RPS6KA2: variants seen among roughly 807,000 people sequenced by gnomAD.
RPS6KA2 encodes ribosomal protein S6 kinase alpha-2.
RPS6KA2 carries 42 observed loss-of-function variants against 91.8 expected under a neutral mutation model. The observed-to-expected ratio is 0.46, with a 90% confidence interval of 0.36 to 0.59. RPS6KA2 has a LOEUF of 0.59. Among genes scored for constraint, RPS6KA2 ranks in the 20% least tolerant of loss-of-function variants. The probability of loss-of-function intolerance (pLI) is 0.00; values close to 1 mark genes in which losing one functional copy is unlikely to be tolerated. For synonymous variants in RPS6KA2, 414 were observed against 393.6 expected, an observed-to-expected ratio of 1.05 and a Z score of -0.61; for missense variants, 798 against 978.5, an observed-to-expected ratio of 0.82 and a Z score of 2.46.
At chr6:166,568,071 G>A (rs1471510391) in intron 1 of RPS6KA2, among the ~76,000 whole-genome samples, 3 of 152,132 alleles carry the variant, frequency 2.0e-5, no homozygotes, top group African/African-American at 7.2e-5. Context: ...TCGGCCCTTG[G>A]ACATCCTGCT....
chr6:166,488,348 G>A lies in RPS6KA2; in HGVS notation c.907+485C>T, dbSNP rs183118537. ...TGTCTGACTCTGAGACAACACGGCC[G>A]CGCCAACTCGCTAAGACCGGCCCAG... is the stretch of plus-strand genomic sequence containing the variant. On this transcript the variant is annotated intron_variant, in intron 10 of 20. Transcript: ENST00000265678. 1.6e-3 allele frequency among the ~76,000 whole-genome samples: 248 copies of A among 152,256 alleles called. 1 individual carries two copies. The highest frequency in any genetic ancestry group is 5.6e-3 in the African/African-American group (232 of 41,560).
At chr6:166,436,193 G>A (rs573038374) in intron 14 of RPS6KA2, among the ~76,000 whole-genome samples, 52 of 152,016 alleles carry the variant, frequency 3.4e-4, no homozygotes, top group African/African-American at 1.2e-3. Context: ...GACCTGCCAC[G>A]TTTACAGCCC....
intron 4 of RPS6KA2, among the ~76,000 whole-genome samples, chr6:166,509,711 C>G (rs1267589273): frequency 6.6e-6 from 1 of 152,226 alleles, no homozygotes; most frequent in Non-Finnish European, 1.5e-5. Flanking sequence ...ATTTCACTTA[C>G]TGCTTCTCTG....
chr6:166,454,962 AAATAT>A (rs1451573876), intron 12 of RPS6KA2, among the ~76,000 whole-genome samples: 2 of 151,080 alleles, frequency 1.3e-5, no homozygotes, highest in African/African-American at 4.8e-5. Context: ...TAATATATGA[AAATAT>A]AATACGTAAT....
Position 166,627,088 on chromosome 6 carries a change from G to C in RPS6KA2, c.-69C>G, listed in dbSNP as rs1786914004. ...GCATCCCCGGCATCCCAGGCGCGGG[G>C]CTCAGGTCCGCGGGCGGGCACGCGT... On this transcript the variant is annotated 5_prime_UTR_variant, in exon 1 of 21. Coordinates refer to ENST00000265678, the MANE Select transcript of RPS6KA2 (RefSeq NM_021135.6). 2 of 1,239,726 alleles carry C rather than the reference G, an allele frequency of 1.6e-6. No individual in the cohort carries two copies. The highest frequency in any genetic ancestry group is 6.7e-5 in the East Asian group (2 of 29,776). The allele number at this position is 1,239,726 out of a possible 1,614,324, so 76.8% of individuals were successfully genotyped here.
intron 11 of RPS6KA2, among the ~76,000 whole-genome samples, chr6:166,466,845 AACTC>A (rs1583171546): frequency 7.4e-6 from 1 of 134,740 alleles, no homozygotes; most frequent in Non-Finnish European, 1.6e-5. Flanking sequence ...CTCATTCACT[AACTC>A]ACTCACTGAC....
At chr6:166,462,756 G>A (rs1020523419) in intron 11 of RPS6KA2, among the ~76,000 whole-genome samples, 12 of 152,166 alleles carry the variant, frequency 7.9e-5, no homozygotes, top group African/African-American at 2.4e-4. Flanking sequence ...TGCTTTCCCC[G>A]TGCTTTCCAC....
intron 2 of RPS6KA2, among the ~76,000 whole-genome samples, chr6:166,683,287 A>G (rs1229071171): frequency 6.6e-6 from 1 of 152,250 alleles, no homozygotes; most frequent in Non-Finnish European, 1.5e-5. Flanking sequence ...AACTTTATCA[A>G]TTACATGAAG....
chr6:166,731,001 G>C (rs1790494335), intron 2 of RPS6KA2, among the ~76,000 whole-genome samples: 1 of 152,222 alleles, frequency 6.6e-6, no homozygotes, highest in African/African-American at 2.4e-5. Flanking sequence ...CCAGCACTTT[G>C]GGAGGCCGAG....
chr6:166,540,341 C>T (rs1178330197), intron 1 of RPS6KA2, among the ~76,000 whole-genome samples: 4 of 152,206 alleles, frequency 2.6e-5, no homozygotes, highest in Non-Finnish European at 5.9e-5. Flanking sequence ...AAACTCACAG[C>T]GGATTAGAGG....
chr6:166,862,042 AT>A, intron 1 of RPS6KA2: 1 of 1,603,480 alleles, frequency 6.2e-7, no homozygotes, highest in African/African-American at 1.3e-5. Context: ...TAAATGAGCA[AT>A]GCATTGGCTG....
intron 3 of RPS6KA2, among the ~76,000 whole-genome samples, chr6:166,522,504 G>A (rs570527858): frequency 8.5e-5 from 13 of 152,328 alleles, no homozygotes; most frequent in South Asian, 2.1e-4. Flanking sequence ...TTGATGCAGC[G>A]CAACTGGAGG....
chr6:166,426,082 G>C lies in RPS6KA2; in HGVS notation c.1582-2665C>G, dbSNP rs1394314577. Among the ~76,000 whole-genome samples the C allele has an allele frequency of 1.0e-3, 154 of 151,838 alleles. 2 individuals are homozygous for C. Among genetic ancestry groups the C allele is most frequent in the African/African-American group, 3.4e-3 (141 of 41,370 alleles). The stretch of plus-strand genomic sequence containing the variant: ...GCTCTCCTCAGCAAATGTAAAAGAA[G>C]AGAAATTATAACAAACTATCTCTCA... On this transcript the variant is annotated intron_variant, in intron 16 of 20. Transcript: ENST00000265678.
intron 3 of RPS6KA2, among the ~76,000 whole-genome samples, chr6:166,511,013 T>A (rs1283700096): frequency 2.0e-5 from 3 of 152,142 alleles, no homozygotes; most frequent in African/African-American, 7.2e-5. Flanking sequence ...TTGTATTTCT[T>A]GTAAACTGGA....
rs78360812 is a variant in RPS6KA2 at position 166,635,571 on chromosome 6, A to C, written c.124-96787T>G. 6.6e-6 allele frequency among the ~76,000 whole-genome samples: 1 copy of C among 152,184 alleles called. No individual in the cohort carries two copies. The highest frequency in any genetic ancestry group is 2.4e-5 in the African/African-American group (1 of 41,458). On this transcript the variant is annotated intron_variant, in intron 2 of 21. Coordinates refer to the RPS6KA2 transcript ENST00000503859. The surrounding 1 kb of genome is among the most constrained non-coding windows in gnomAD (Gnocchi z 4.8). ...TGAGAGCATGGTCCTGAGGAGGTTC[A>C]TTTGGCTGCTGTGTGAGGGTGTGTT...
intron 16 of RPS6KA2, 73 bp downstream of exon 16, chr6:166,430,380 T>A: frequency 7.2e-7 from 1 of 1,393,082 alleles, no homozygotes; most frequent in South Asian, 1.3e-5. Flanking sequence ...CTTGAACCCA[T>A]AAACCCTTGT....
intron 1 of RPS6KA2, among the ~76,000 whole-genome samples, chr6:166,611,946 G>A (rs568060574): frequency 3.8e-4 from 58 of 152,244 alleles, no homozygotes; most frequent in Non-Finnish European, 8.2e-4. Context: ...GATCTCCCTG[G>A]GGCCAAACAA....
At position 166,666,267 on chromosome 6, in the gene RPS6KA2, G is replaced by A. The variant is rs984929795; in HGVS notation, c.124-127483C>T. ...ACTGGCATCTTCCCAGCAAAGTAGG[G>A]GGCAAGGGAGCACTCTGTAAAAGCA... On this transcript the variant is annotated intron_variant, in intron 2 of 21. Transcript: ENST00000503859. The surrounding 1 kb of genome is among the most constrained non-coding windows in gnomAD (Gnocchi z 4.0). Among the ~76,000 whole-genome samples the A allele has an allele frequency of 6.6e-6, 1 of 152,096 alleles. No homozygotes were observed. Among genetic ancestry groups the A allele is most frequent in the Non-Finnish European group, 1.5e-5 (1 of 68,012 alleles).
intron 2 of RPS6KA2, among the ~76,000 whole-genome samples, chr6:166,678,196 TA>T (rs1296460580): frequency 6.6e-6 from 1 of 152,190 alleles, no homozygotes; most frequent in Admixed American, 6.5e-5. Flanking sequence ...AGAGCCTCCT[TA>T]CCTTCCCACC....
Sources: allele counts gnomAD v4.1 joint callset (sites outside exome capture counted in the v4.1 genomes callset), GRCh38; gene constraint gnomAD v4.1.1; non-coding constraint Gnocchi (gnomAD v3.1); transcripts MANE v1.5; gene names NCBI Gene and HGNC (gene_info 2026-07-23, HGNC 2026-07-21).